The following CADM2 variants were observed in gnomAD, a reference collection of about 807,000 sequenced individuals.
CADM2 encodes immunoglobulin superfamily member 4D.
CADM2 carries 12 observed loss-of-function variants against 49.8 expected under a neutral mutation model. The observed-to-expected ratio is 0.24, with a 90% CI of 0.15 to 0.39. The LOEUF (loss-of-function observed/expected upper bound fraction) is 0.39, where lower values mean the gene tolerates loss of function less well. CADM2 is among the 10% of genes least tolerant of loss of function. CADM2 has a pLI of 1.00. For missense variants in CADM2, 378 were observed against 492.3 expected, an observed-to-expected ratio of 0.77 and a Z score of 2.20; for synonymous variants, 214 against 175.4, an observed-to-expected ratio of 1.22 and a Z score of -1.74.
At chr3:85,477,631 G>T (rs1483036873) in intron 1 of CADM2, among the ~76,000 whole-genome samples, 3 of 151,786 alleles carry the variant, frequency 2.0e-5, no homozygotes, top group Non-Finnish European at 4.4e-5. Flanking sequence ...TGCTACAATG[G>T]GATAAAATGA....
intron 7 of CADM2, among the ~76,000 whole-genome samples, chr3:85,961,197 T>C (rs1010728379): frequency 8.6e-5 from 13 of 151,068 alleles, no homozygotes; most frequent in African/African-American, 2.9e-4. Context: ...CCACACGACT[T>C]GAGCAGGGGA....
chr3:85,891,997 A>C (rs973414090), intron 5 of CADM2, among the ~76,000 whole-genome samples: 2 of 152,186 alleles, frequency 1.3e-5, no homozygotes, highest in African/African-American at 4.8e-5. Context: ...AGTATTAGGA[A>C]ACTGAGATCT....
At chr3:85,496,275 A>G (rs1232251792) in intron 1 of CADM2, among the ~76,000 whole-genome samples, 1 of 152,024 alleles carries the variant, frequency 6.6e-6, no homozygotes, top group Non-Finnish European at 1.5e-5. Flanking sequence ...ATTTAGTCCC[A>G]CTTATAAGTA....
At chr3:85,413,591 G>C (rs1489344805) in intron 1 of CADM2, among the ~76,000 whole-genome samples, 1 of 152,152 alleles carries the variant, frequency 6.6e-6, no homozygotes, top group Non-Finnish European at 1.5e-5. Context: ...AAGCAGGAAC[G>C]TCTACAAGGG....
At chr3:85,688,480 C>T (rs1212887075) in intron 1 of CADM2, among the ~76,000 whole-genome samples, 2 of 151,870 alleles carry the variant, frequency 1.3e-5, no homozygotes, top group Non-Finnish European at 2.9e-5. Flanking sequence ...GATGTTGAGG[C>T]ACTGGAATTC....
intron 2 of CADM2, among the ~76,000 whole-genome samples, chr3:85,783,644 C>G (rs988655056): frequency 6.6e-6 from 1 of 152,108 alleles, no homozygotes; most frequent in African/African-American, 2.4e-5. Context: ...CCAAAATTTC[C>G]TCATTACATA....
intron 1 of CADM2, among the ~76,000 whole-genome samples, chr3:85,559,922 T>C (rs2167043): frequency 0.51 from 77,843 of 151,894 alleles, 23,015 homozygotes; most frequent in East Asian, 0.85. Context: ...GAAATGTTGC[T>C]CTAAACACCT....
At chr3:85,567,496 A>G (rs1046079359) in intron 1 of CADM2, among the ~76,000 whole-genome samples, 2 of 152,216 alleles carry the variant, frequency 1.3e-5, no homozygotes, top group Non-Finnish European at 2.9e-5. Flanking sequence ...CAATTGGATT[A>G]CATAAAGTAT....
intron 2 of CADM2, among the ~76,000 whole-genome samples, chr3:85,795,593 T>C (rs1009938981): frequency 6.6e-6 from 1 of 152,150 alleles, no homozygotes; most frequent in Non-Finnish European, 1.5e-5. Context: ...TAAACTAGTG[T>C]ATATTAAATA....
chr3:85,438,476 G>C lies in CADM2; in HGVS notation c.62-288046G>C, dbSNP rs141270208. ...TTATGGTTAGTGATTCCCTCTTATG[G>C]GCAGTCATAGATTTTCACTCCTGTA... On this transcript the variant is annotated intron_variant, in intron 1 of 9. Transcript: ENST00000383699. Among the ~76,000 whole-genome samples, 556 of 152,048 alleles carry C rather than the reference G, an allele frequency of 3.7e-3. 5 individuals carry two copies. Among genetic ancestry groups the C allele is most frequent in the Admixed American group, 8.4e-3 (128 of 15,242 alleles).
At chr3:85,934,312 C>T (rs1052738532) in intron 6 of CADM2, among the ~76,000 whole-genome samples, 8 of 151,992 alleles carry the variant, frequency 5.3e-5, no homozygotes, top group Non-Finnish European at 1.0e-4. Context: ...TTAAAAATGT[C>T]CTGCTCTGGA....
At chr3:86,027,435 C>T (rs13316470) in intron 8 of CADM2, among the ~76,000 whole-genome samples, 42,112 of 152,006 alleles carry the variant, frequency 0.28, 6,896 homozygotes, top group African/African-American at 0.46. Context: ...ATTCTTTCTG[C>T]ATATTTTATC....
intron 1 of CADM2, among the ~76,000 whole-genome samples, chr3:85,334,400 G>A (rs1487015536): frequency 1.3e-5 from 2 of 151,488 alleles, no homozygotes; most frequent in East Asian, 3.9e-4. Flanking sequence ...TTTACTGCAG[G>A]ATAGTTTTAA....
chr3:85,112,580 A>G (rs568812722), intron 1 of CADM2, among the ~76,000 whole-genome samples: 9 of 151,986 alleles, frequency 5.9e-5, no homozygotes, highest in Admixed American at 2.0e-4. Flanking sequence ...CCTTGCAAAC[A>G]TTTTAGTATG....
intron 1 of CADM2, among the ~76,000 whole-genome samples, chr3:85,346,203 A>G (rs2107215879): frequency 6.6e-6 from 1 of 152,324 alleles, no homozygotes; most frequent in African/African-American, 2.4e-5. Context: ...TAAATAAGGC[A>G]TTGAACCCTT....
rs553642118 is a variant in CADM2 at position 85,148,020 on chromosome 3, A to C, written c.61+188352A>C. ...TGTTGTTGGAGCAATGATCACACTT[A>C]GAAGTTATAAACTTTGTAAGTCAGA... On this transcript the variant is annotated intron_variant, in intron 1 of 9. Coordinates refer to ENST00000383699, the MANE Select transcript of CADM2 (RefSeq NM_001167675.2). Among the ~76,000 whole-genome samples, 13 of 152,344 alleles carry C rather than the reference A, an allele frequency of 8.5e-5. No individual in the cohort carries two copies. The East Asian group carries it at 2.5e-3, about 29-fold the overall frequency.
At chr3:85,016,623 C>T (rs535113388) in intron 1 of CADM2, among the ~76,000 whole-genome samples, 34 of 151,918 alleles carry the variant, frequency 2.2e-4, no homozygotes, top group African/African-American at 7.7e-4. Context: ...CGAAACCCTG[C>T]CTCTACTGAA....
At chr3:85,590,634 CATTT>C (rs2063079508) in intron 1 of CADM2, among the ~76,000 whole-genome samples, 1 of 151,594 alleles carries the variant, frequency 6.6e-6, no homozygotes, top group Non-Finnish European at 1.5e-5. Context: ...GAAAAATAAA[CATTT>C]AGGGACAAGA....
chr3:84,989,684 G>C (rs1257959021), intron 1 of CADM2, among the ~76,000 whole-genome samples: 1 of 152,024 alleles, frequency 6.6e-6, no homozygotes, highest in Non-Finnish European at 1.5e-5. Flanking sequence ...TAAATTGCAT[G>C]AGATTTTGTG....
Sources: allele counts gnomAD v4.1 joint callset (sites outside exome capture counted in the v4.1 genomes callset), GRCh38; gene constraint gnomAD v4.1.1; transcripts MANE v1.5; gene names NCBI Gene and HGNC (gene_info 2026-07-23, HGNC 2026-07-21).